Variants in RAB38 observed in about 807,000 individuals in gnomAD.
RAB38 encodes ras-related protein Rab-38.
RAB38 carries 15 observed loss-of-function variants against 18.4 expected under a neutral mutation model. That is an observed-to-expected ratio of 0.82 (90% CI 0.55 to 1.26). The LOEUF (loss-of-function observed/expected upper bound fraction) is 1.26. Ranked by LOEUF, RAB38 falls within the 50% of genes most tolerant of loss-of-function variation. The pLI is 0.00. For missense variants in RAB38, 294 were observed against 267.4 expected (o/e 1.10, Z -0.69); for synonymous variants, 101 against 104.4 (o/e 0.97, Z 0.20).
the RAB38 span, among the ~76,000 whole-genome samples, chr11:87,899,227 A>G: frequency 1.3e-5 from 2 of 151,762 alleles, no homozygotes; most frequent in East Asian, 2.0e-4. Flanking sequence ...GTGGCTCCCA[A>G]GGTTCTTTCT....
At chr11:87,976,625 A>AT in the RAB38 span, among the ~76,000 whole-genome samples, 10 of 107,864 alleles carry the variant, frequency 9.3e-5, no homozygotes, top group Admixed American at 2.1e-4. Flanking sequence ...CATGATATAT[A>AT]AATATATATG....
the RAB38 span, among the ~76,000 whole-genome samples, chr11:87,924,168 GAA>G: frequency 6.6e-6 from 1 of 151,952 alleles, no homozygotes; most frequent in African/African-American, 2.4e-5. Flanking sequence ...ATGAGAGAAG[GAA>G]AGTCTGGGAG....
the RAB38 span, among the ~76,000 whole-genome samples, chr11:87,873,101 T>C: frequency 6.6e-6 from 1 of 151,628 alleles, no homozygotes; most frequent in African/African-American, 2.4e-5. Flanking sequence ...CTCCACATTC[T>C]CATTAGCACC....
the RAB38 span, among the ~76,000 whole-genome samples, chr11:88,091,932 G>A: frequency 6.3e-4 from 96 of 151,942 alleles, no homozygotes; most frequent in Middle Eastern, 3.4e-3. Context: ...GAAGAGGCAC[G>A]TCAATGGAAA....
At chr11:88,151,938 G>C (rs1053578740) in intron 1 of RAB38, among the ~76,000 whole-genome samples, 1 of 152,184 alleles carries the variant, frequency 6.6e-6, no homozygotes, top group African/African-American at 2.4e-5. Flanking sequence ...TCTTACGTGG[G>C]TTATACCAGA....
At chr11:87,839,817 A>G in the RAB38 span, among the ~76,000 whole-genome samples, 2 of 152,192 alleles carry the variant, frequency 1.3e-5, no homozygotes, top group Non-Finnish European at 2.9e-5. Context: ...CTTACTGACA[A>G]TTTGGATACC....
At chr11:87,921,366 T>C in the RAB38 span, among the ~76,000 whole-genome samples, 2 of 151,870 alleles carry the variant, frequency 1.3e-5, no homozygotes, top group African/African-American at 4.8e-5. Flanking sequence ...TACACTACAG[T>C]GTACTGTGTT....
the RAB38 span, among the ~76,000 whole-genome samples, chr11:87,947,675 G>A: frequency 3.5e-4 from 53 of 152,158 alleles, no homozygotes; most frequent in Admixed American, 9.8e-4. Context: ...TTTTTGTCAC[G>A]TTTGTCAAAG....
the RAB38 span, among the ~76,000 whole-genome samples, chr11:87,806,325 G>T: frequency 2.0e-5 from 3 of 152,160 alleles, no homozygotes; most frequent in Non-Finnish European, 4.4e-5. Context: ...AGCAGATTCA[G>T]TGTCTGGTGA....
chr11:87,954,236 T>C, the RAB38 span, among the ~76,000 whole-genome samples: 12 of 152,316 alleles, frequency 7.9e-5, no homozygotes, highest in African/African-American at 2.9e-4. Flanking sequence ...GAGAGGACGA[T>C]GCATCCACCC....
At chr11:87,946,167 C>G in the RAB38 span, among the ~76,000 whole-genome samples, 54 of 152,248 alleles carry the variant, frequency 3.5e-4, no homozygotes, top group African/African-American at 1.2e-3. Flanking sequence ...GGGTTAATCT[C>G]TCTACCTTCA....
the RAB38 span, among the ~76,000 whole-genome samples, chr11:87,956,866 G>T: frequency 6.6e-6 from 1 of 151,728 alleles, no homozygotes. Context: ...GCCTTTCTGG[G>T]TTCCCTCCCC....
chr11:87,817,860 A>G, the RAB38 span, among the ~76,000 whole-genome samples: 1 of 152,182 alleles, frequency 6.6e-6, no homozygotes, highest in Non-Finnish European at 1.5e-5. Context: ...AGTCGAGGCA[A>G]AAAGATGAAC....
At chr11:88,134,409 T>C (rs1477675252) in intron 2 of RAB38, among the ~76,000 whole-genome samples, 1 of 151,556 alleles carries the variant, frequency 6.6e-6, no homozygotes, top group Non-Finnish European at 1.5e-5. Context: ...CCTGGTTAAT[T>C]TTTTGTGTTT....
chr11:88,088,541 ATTTGTGGG>A, the RAB38 span, among the ~76,000 whole-genome samples: 1 of 151,840 alleles, frequency 6.6e-6, no homozygotes, highest in Admixed American at 6.6e-5. Flanking sequence ...CTATATTTTC[ATTTGTGGG>A]TAAGGGCAAT....
the RAB38 span, among the ~76,000 whole-genome samples, chr11:87,909,255 G>T: frequency 2.0e-5 from 3 of 151,932 alleles, no homozygotes; most frequent in African/African-American, 7.2e-5. Flanking sequence ...ACTAGTCAAT[G>T]TAAGTACAAT....
chr11:87,853,156 C>T, the RAB38 span, among the ~76,000 whole-genome samples: 2 of 152,090 alleles, frequency 1.3e-5, no homozygotes, highest in African/African-American at 4.8e-5. Flanking sequence ...TTTATGAAGT[C>T]CCTACAAAGC....
chr11:88,034,424 G>T, the RAB38 span, among the ~76,000 whole-genome samples: 1 of 152,204 alleles, frequency 6.6e-6, no homozygotes, highest in Non-Finnish European at 1.5e-5. Context: ...ATAAGAAATT[G>T]CCTACTATTT....
At chr11:87,863,910 T>C in the RAB38 span, among the ~76,000 whole-genome samples, 13 of 151,782 alleles carry the variant, frequency 8.6e-5, no homozygotes, top group Non-Finnish European at 1.6e-4. Context: ...AAATGAGTGC[T>C]GCCCCATGGG....
Sources: allele counts gnomAD v4.1 joint callset (sites outside exome capture counted in the v4.1 genomes callset), GRCh38; gene constraint gnomAD v4.1.1; transcripts MANE v1.5; gene names NCBI Gene and HGNC (gene_info 2026-07-23, HGNC 2026-07-21).